Variants in KAZN observed in about 807,000 individuals in gnomAD.
KAZN encodes kazrin, periplakin interacting protein.
KAZN carries 40 observed loss-of-function variants against 87.4 expected under a neutral mutation model. The observed-to-expected ratio is 0.46, with a 90% CI of 0.36 to 0.60. The LOEUF (loss-of-function observed/expected upper bound fraction) is 0.60. Ranked by LOEUF, KAZN falls within the 20% of genes least tolerant of loss-of-function variation. KAZN has a pLI of 0.00. For missense variants in KAZN, 898 were observed against 1,073.9 expected (o/e 0.84, Z 2.29); for synonymous variants, 466 against 458.3 (o/e 1.02, Z -0.22).
At chr1:14,176,663 G>A (rs1646082340) in intron 1 of KAZN, among the ~76,000 whole-genome samples, 1 of 152,176 alleles carries the variant, frequency 6.6e-6, no homozygotes, top group African/African-American at 2.4e-5. Context: ...CAGCTCTGAT[G>A]TCATATCCGG....
intron 2 of KAZN, among the ~76,000 whole-genome samples, chr1:14,412,967 G>A (rs1664425712): frequency 6.8e-6 from 1 of 147,970 alleles, no homozygotes; most frequent in Non-Finnish European, 1.5e-5. Flanking sequence ...TATATAAAAT[G>A]TATAAATATA....
At chr1:14,846,057 A>G (rs113089607) in intron 1 of KAZN, among the ~76,000 whole-genome samples, 32 of 152,284 alleles carry the variant, frequency 2.1e-4, no homozygotes, top group African/African-American at 7.7e-4. Flanking sequence ...CAGGGGAAGC[A>G]TGGACTCTGT....
intron 2 of KAZN, among the ~76,000 whole-genome samples, chr1:14,584,835 G>A (rs768300147): frequency 3.9e-5 from 6 of 152,078 alleles, no homozygotes; most frequent in Non-Finnish European, 5.9e-5. Context: ...GTAGAGATGC[G>A]GTTTTCCACA....
At chr1:14,560,899 G>C (rs1275976323) in intron 2 of KAZN, among the ~76,000 whole-genome samples, 3 of 152,160 alleles carry the variant, frequency 2.0e-5, no homozygotes, top group Non-Finnish European at 2.9e-5. Context: ...GAAATGGCAA[G>C]AACAGGAAGT....
intron 1 of KAZN, among the ~76,000 whole-genome samples, chr1:14,125,247 T>C (rs1644839224): frequency 6.6e-6 from 1 of 152,172 alleles, no homozygotes; most frequent in South Asian, 2.1e-4. Flanking sequence ...CCCCTGCCCC[T>C]GTCCTGATCA....
intron 2 of KAZN, among the ~76,000 whole-genome samples, chr1:14,245,164 C>T (rs891044090): frequency 3.9e-5 from 6 of 151,902 alleles, no homozygotes; most frequent in African/African-American, 9.7e-5. Context: ...GGGGTTTCAC[C>T]GTGTTGGCCA....
intron 1 of KAZN, among the ~76,000 whole-genome samples, chr1:14,000,618 G>A (rs187832268): frequency 1.2e-3 from 177 of 152,278 alleles, no homozygotes; most frequent in African/African-American, 4.2e-3. Context: ...AAAGCTGGAA[G>A]CATCCCCACT....
intron 8 of KAZN, among the ~76,000 whole-genome samples, chr1:15,085,325 C>T (rs1640199536): frequency 6.6e-6 from 1 of 152,040 alleles, no homozygotes; most frequent in African/African-American, 2.4e-5. Flanking sequence ...TTACCTCTGC[C>T]ATTATTATTT....
chr1:14,983,089 T>C (rs1379506737), intron 2 of KAZN, among the ~76,000 whole-genome samples: 1 of 152,214 alleles, frequency 6.6e-6, no homozygotes, highest in Non-Finnish European at 1.5e-5. Flanking sequence ...GCAGGGGGGC[T>C]TTTTATTCCA....
chr1:14,718,327 C>T (rs192002699), intron 1 of KAZN, among the ~76,000 whole-genome samples: 13 of 152,304 alleles, frequency 8.5e-5, no homozygotes, highest in Non-Finnish European at 4.4e-5. Context: ...GGTGTGCCCT[C>T]GGGACTCCAC....
At chr1:14,857,148 A>G (rs1650219038) in intron 1 of KAZN, among the ~76,000 whole-genome samples, 1 of 127,830 alleles carries the variant, frequency 7.8e-6, no homozygotes, top group Admixed American at 7.2e-5. Context: ...TCTCTGAAAC[A>G]CAGTTTTCTC....
intron 1 of KAZN, among the ~76,000 whole-genome samples, chr1:14,938,340 G>A (rs1023338585): frequency 1.3e-5 from 2 of 152,114 alleles, no homozygotes; most frequent in African/African-American, 2.4e-5. Context: ...TCAGGAGTTC[G>A]AGACCAGCCT....
chr1:14,657,114 C>T (rs1184569297), intron 1 of KAZN, among the ~76,000 whole-genome samples: 2 of 123,600 alleles, frequency 1.6e-5, no homozygotes, highest in African/African-American at 2.9e-5. Context: ...CAGAGTTTCA[C>T]TCTTGTTGCC....
intron 1 of KAZN, among the ~76,000 whole-genome samples, chr1:14,179,254 A>G (rs926132544): frequency 6.6e-6 from 1 of 152,140 alleles, no homozygotes; most frequent in Non-Finnish European, 1.5e-5. Flanking sequence ...AGTCTTCCTG[A>G]TCTCCAGCTC....
chr1:14,342,345 T>C (rs925513420), intron 2 of KAZN, among the ~76,000 whole-genome samples: 2 of 152,236 alleles, frequency 1.3e-5, no homozygotes, highest in South Asian at 4.1e-4. Context: ...CCTTTGGGTA[T>C]ATACCTAGTA....
intron 1 of KAZN, among the ~76,000 whole-genome samples, chr1:14,082,083 T>C (rs3817956): frequency 0.099 from 15,142 of 152,240 alleles, 926 homozygotes; most frequent in East Asian, 0.13. Context: ...CCCACTCTGT[T>C]CCTTCTAGCA....
At chr1:13,955,266 G>A (rs950442884) in intron 1 of KAZN, among the ~76,000 whole-genome samples, 8 of 152,016 alleles carry the variant, frequency 5.3e-5, no homozygotes, top group Non-Finnish European at 7.4e-5. Context: ...AATATGGTCC[G>A]TCTGCTCATA....
At position 14,146,151 on chromosome 1, in the gene KAZN, G is replaced by A. The variant is rs1232961254; in HGVS notation, c.92-34284G>A. 2.0e-5 allele frequency among the ~76,000 whole-genome samples: 3 copies of A among 151,696 alleles called. No individual in the cohort carries two copies. The East Asian group carries it at 5.8e-4, about 29-fold the overall frequency. ...ACTTCTATTTAATATTCTCCTTGGT[G>A]TAGTCACTGTTTCCTGAATCCCATG... On this transcript the variant is annotated intron_variant, in intron 1 of 16. Coordinates refer to the KAZN transcript ENST00000636203.
intron 2 of KAZN, among the ~76,000 whole-genome samples, chr1:14,191,896 A>G (rs1646426970): frequency 6.6e-6 from 1 of 152,132 alleles, no homozygotes; most frequent in African/African-American, 2.4e-5. Flanking sequence ...GCTATCCTAG[A>G]GAACCAAGTA....
Sources: allele counts gnomAD v4.1 joint callset (sites outside exome capture counted in the v4.1 genomes callset), GRCh38; gene constraint gnomAD v4.1.1; transcripts MANE v1.5; gene names NCBI Gene and HGNC (gene_info 2026-07-23, HGNC 2026-07-21).